The following ANKRD26 variants were observed in gnomAD, a reference collection of about 807,000 sequenced individuals.
ANKRD26 encodes the protein ankyrin repeat domain 26.
ANKRD26 carries 141 observed loss-of-function variants against 208.7 expected under a neutral mutation model. The observed-to-expected ratio is 0.68, with a 90% CI of 0.59 to 0.78. The LOEUF (loss-of-function observed/expected upper bound fraction) is 0.78. Among genes scored for constraint, ANKRD26 ranks in the 30% least tolerant of loss-of-function variants. ANKRD26 has a pLI of 0.00. For synonymous variants in ANKRD26, 636 were observed against 660.4 expected (o/e 0.96, Z 0.57); for missense variants, 1,889 against 1,938.7 (o/e 0.97, Z 0.48).
the ANKRD26 span, among the ~76,000 whole-genome samples, chr10:26,968,612 G>A: frequency 1.3e-5 from 2 of 152,202 alleles, no homozygotes; most frequent in African/African-American, 2.4e-5. Context: ...GACAGTTTCA[G>A]TTGAATTGTC....
chr10:27,091,976 A>G (rs927812541), intron 4 of ANKRD26, among the ~76,000 whole-genome samples: 4 of 146,596 alleles, frequency 2.7e-5, no homozygotes, highest in African/African-American at 1.1e-4. Flanking sequence ...GACGGGGGAG[A>G]CTCCATGTAA....
At chr10:26,961,762 T>G in the ANKRD26 span, among the ~76,000 whole-genome samples, 1 of 152,156 alleles carries the variant, frequency 6.6e-6, no homozygotes, top group Non-Finnish European at 1.5e-5. Flanking sequence ...AGTTACTCCA[T>G]GCAAAATGCT....
rs151011375 is a variant in ANKRD26, at chr10:27,052,725, T to A, written c.1635+595A>T. On this transcript the variant is annotated intron_variant, in intron 16 of 33. Coordinates refer to ENST00000376087, the MANE Select transcript of ANKRD26 (RefSeq NM_014915.3). ...GACTGAAATAATCAGAAAGTTATTGTGTATATCCTAACAATGGAAAGATCC... is the reference window on the plus strand; with the variant it reads ...GACTGAAATAATCAGAAAGTTATTGAGTATATCCTAACAATGGAAAGATCC... Among the ~76,000 whole-genome samples, 745 of 152,274 alleles carry A rather than the reference T, an allele frequency of 4.9e-3. 9 individuals carry two copies. The highest frequency in any genetic ancestry group is 0.017 in the African/African-American group (708 of 41,580).
At chr10:27,024,305 T>C (rs2135057606) in intron 28 of ANKRD26, 142 bp downstream of exon 28, 1 of 549,498 alleles carries the variant, frequency 1.8e-6, no homozygotes, top group East Asian at 3.1e-5. Flanking sequence ...GTGCTGCAAC[T>C]TTCTAAAACC....
intron 5 of ANKRD26, among the ~76,000 whole-genome samples, chr10:26,977,516 T>C (rs926961437): frequency 9.9e-5 from 15 of 152,244 alleles, no homozygotes; most frequent in African/African-American, 3.4e-4. Context: ...TGTTACATTT[T>C]GTAGCATACA....
intron 18 of ANKRD26, among the ~76,000 whole-genome samples, chr10:27,045,284 C>T (rs1008520756): frequency 6.6e-6 from 1 of 152,068 alleles, no homozygotes; most frequent in East Asian, 1.9e-4. Flanking sequence ...AATAGCCGGG[C>T]ATGGTGGTGT....
downstream of ANKRD26, among the ~76,000 whole-genome samples, chr10:26,988,388 T>C (rs2052425021): frequency 6.6e-6 from 1 of 152,150 alleles, no homozygotes; most frequent in South Asian, 2.1e-4. Context: ...TGAGTAAATA[T>C]GAAATATATT....
chr10:27,095,884 C>G (rs1305614973), intron 1 of ANKRD26, among the ~76,000 whole-genome samples: 2 of 152,186 alleles, frequency 1.3e-5, no homozygotes, highest in African/African-American at 4.8e-5. Flanking sequence ...TTCCTCTTAG[C>G]TCCTAAGGAA....
intron 9 of ANKRD26, among the ~76,000 whole-genome samples, chr10:27,069,988 A>G (rs1224446410): frequency 6.6e-6 from 1 of 151,342 alleles, no homozygotes; most frequent in Non-Finnish European, 1.5e-5. Flanking sequence ...ATGGTGGTGC[A>G]TGCCCATGGT....
At position 27,044,206 on chromosome 10, in the gene ANKRD26, A is replaced by G; in HGVS notation, c.1986-16T>C. 7.0e-7 allele frequency: 1 copy of G among 1,424,524 alleles called. No individual in the cohort carries two copies. Among genetic ancestry groups the G allele is most frequent in the South Asian group, 1.2e-5 (1 of 81,576 alleles). 88.2% of individuals were successfully genotyped at this position (1,424,524 alleles called of 1,614,324 possible). On this transcript the variant is annotated splice_polypyrimidine_tract_variant and intron_variant, in intron 18 of 33. Coordinates refer to ENST00000376087, the MANE Select transcript of ANKRD26 (RefSeq NM_014915.3). Reference sequence around the variant, plus strand: ...CTTAGTAGGCCTAAAAAAAAAAAATACCTTTCAGGCAAATAGTAAACATGT... The same window carrying G: ...CTTAGTAGGCCTAAAAAAAAAAAATGCCTTTCAGGCAAATAGTAAACATGT...
chr10:27,029,302 G>A lies in ANKRD26; in HGVS notation c.3862C>T (p.Gln1288Ter), dbSNP rs763125135. 1 of 1,612,064 alleles carries A rather than the reference G, an allele frequency of 6.2e-7. No individual in the cohort carries two copies. Among genetic ancestry groups the A allele is most frequent in the South Asian group, 1.1e-5 (1 of 90,648 alleles). ...TEAVRCAEKMQDHKQKLEKDN... is the reference protein window; with the variant it reads ...TEAVRCAEKM ...AAATTTTACTTTTGCTTGTGATCTTGCATCTTCTCAGCACATCTGACAGCT... is the reference window on the plus strand; with the variant it reads ...AAATTTTACTTTTGCTTGTGATCTTACATCTTCTCAGCACATCTGACAGCT... The change falls in exon 26 of 34, where the codon CAA becomes TAA. Residue 1288 changes from glutamine to a stop codon, truncating the protein, a stop_gained. Coordinates refer to ENST00000376087, the MANE Select transcript of ANKRD26 (RefSeq NM_014915.3). LOFTEE classifies it high-confidence loss of function.
intron 16 of ANKRD26, chr10:27,051,198 G>A (rs776075544): frequency 3.1e-6 from 4 of 1,289,698 alleles, no homozygotes; most frequent in Middle Eastern, 2.1e-4. Context: ...ACCACGTGGT[G>A]GAGAAGACCT....
At position 27,005,138 on chromosome 10, in the gene ANKRD26, C is replaced by G; in HGVS notation, c.*452G>C. On this transcript the variant is annotated 3_prime_UTR_variant, in exon 34 of 34. Coordinates refer to ENST00000376087, the MANE Select transcript of ANKRD26 (RefSeq NM_014915.3). ...TCTCCCTGAGAACAGCTATATAAAT[C>G]AGTGCTTAAAATTAAAATTATGTAA... 1 of 986,070 alleles carries G rather than the reference C, an allele frequency of 1.0e-6. No homozygotes were observed. Among genetic ancestry groups the G allele is most frequent in the African/African-American group, 1.7e-5 (1 of 57,330 alleles). The allele number at this position is 986,070 out of a possible 1,614,324, so 61.1% of individuals were successfully genotyped here. A position where few individuals can be genotyped will look rare whatever the true frequency, so the allele number is the denominator to read the frequency against.
At chr10:26,950,155 G>A in the ANKRD26 span, among the ~76,000 whole-genome samples, 2 of 152,128 alleles carry the variant, frequency 1.3e-5, no homozygotes, top group Non-Finnish European at 2.9e-5. Flanking sequence ...AGGGACTTGT[G>A]GGGAGGTGAT....
At chr10:27,015,299 A>T (rs1352223050) in intron 30 of ANKRD26, among the ~76,000 whole-genome samples, 1 of 152,350 alleles carries the variant, frequency 6.6e-6, no homozygotes, top group Non-Finnish European at 1.5e-5. Context: ...CATGCTGAGA[A>T]AAAAGCCCAA....
downstream of ANKRD26, among the ~76,000 whole-genome samples, chr10:27,003,525 C>A (rs997872176): frequency 6.6e-6 from 1 of 152,132 alleles, no homozygotes; most frequent in African/African-American, 2.4e-5. Context: ...TATCTTTATA[C>A]AAGATATTTA....
chr10:26,983,821 G>A (rs144170006), intron 3 of ANKRD26, among the ~76,000 whole-genome samples: 31 of 152,178 alleles, frequency 2.0e-4, no homozygotes, highest in South Asian at 4.2e-4. Context: ...CTAATGATAC[G>A]TATTGTCCTT....
the ANKRD26 span, among the ~76,000 whole-genome samples, chr10:26,948,713 TG>T: frequency 4.9e-3 from 748 of 152,332 alleles, 5 homozygotes; most frequent in Non-Finnish European, 5.6e-3. Flanking sequence ...TAATCAAAAG[TG>T]TGCTGGCTCA....
chr10:27,086,812 C>T (rs2056139815), intron 4 of ANKRD26, among the ~76,000 whole-genome samples: 1 of 135,714 alleles, frequency 7.4e-6, no homozygotes, highest in African/African-American at 2.9e-5. Flanking sequence ...TACTCTGTCA[C>T]CCAGGCTGGA....
Sources: gnomAD v4.1 joint callset for allele counts (sites outside exome capture counted in the v4.1 genomes callset) on GRCh38, gnomAD v4.1.1 for gene constraint, MANE v1.5 for transcripts, NCBI Gene and HGNC (gene_info 2026-07-23, HGNC 2026-07-21) for gene names.